Variants in XKR6 observed in about 807,000 individuals in gnomAD.
XKR6 encodes XK-related protein 6.
XKR6 carries 22 observed loss-of-function variants against 56.7 expected under a neutral mutation model. The ratio of observed to expected loss-of-function variants is 0.39; its 90% confidence interval spans 0.28 to 0.55. The LOEUF is 0.55. Ranked by LOEUF, XKR6 falls within the 20% of genes least tolerant of loss-of-function variation. The probability of loss-of-function intolerance (pLI) is 0.66; values close to 1 mark genes in which losing one functional copy is unlikely to be tolerated. For synonymous variants in XKR6, 524 were observed against 387.8 expected (o/e 1.35, Z -4.13); for missense variants, 852 against 889.0 (o/e 0.96, Z 0.53).
At chr8:11,165,752 C>T (rs185199099) in intron 1 of XKR6, among the ~76,000 whole-genome samples, 11 of 152,238 alleles carry the variant, frequency 7.2e-5, no homozygotes, top group African/African-American at 2.4e-4. Flanking sequence ...AGACACCATA[C>T]ATTCTTGCAT....
chr8:10,987,031 C>T (rs552647931), intron 1 of XKR6, among the ~76,000 whole-genome samples: 1 of 151,990 alleles, frequency 6.6e-6, no homozygotes, highest in African/African-American at 2.4e-5. Flanking sequence ...TTCAAGTGAT[C>T]CTCCCACTTC....
chr8:11,097,218 A>C (rs969307257), intron 1 of XKR6, among the ~76,000 whole-genome samples: 1 of 152,220 alleles, frequency 6.6e-6, no homozygotes, highest in African/African-American at 2.4e-5. Context: ...AGAGACACAA[A>C]GTGATAATAA....
At chr8:11,194,856 T>G (rs899090735) in intron 1 of XKR6, 3 of 440,264 alleles carry the variant, frequency 6.8e-6, no homozygotes, top group Non-Finnish European at 8.1e-6. Context: ...CTTCTTACAA[T>G]ACAGATTTTG....
intron 2 of XKR6, among the ~76,000 whole-genome samples, chr8:10,907,834 C>T (rs1800224833): frequency 6.6e-6 from 1 of 152,178 alleles, no homozygotes; most frequent in Non-Finnish European, 1.5e-5. Flanking sequence ...CCCGCGGAGG[C>T]CCTGCCTGAG....
chr8:11,009,782 T>C (rs189594580), intron 1 of XKR6, among the ~76,000 whole-genome samples: 7 of 152,318 alleles, frequency 4.6e-5, no homozygotes, highest in Admixed American at 1.3e-4. Context: ...GAATAAAGCA[T>C]GGACTTTAAT....
At chr8:10,954,441 A>C (rs1801814806) in intron 1 of XKR6, among the ~76,000 whole-genome samples, 1 of 152,220 alleles carries the variant, frequency 6.6e-6, no homozygotes, top group Non-Finnish European at 1.5e-5. Context: ...TCATGTGCTT[A>C]GTGGCCATTT....
At chr8:11,159,185 T>G (rs561376829) in intron 1 of XKR6, among the ~76,000 whole-genome samples, 68 of 152,350 alleles carry the variant, frequency 4.5e-4, no homozygotes, top group Non-Finnish European at 7.1e-4. Context: ...CCACCATATA[T>G]TCCCAGAGGG....
intron 1 of XKR6, among the ~76,000 whole-genome samples, chr8:11,087,692 C>T (rs1054416979): frequency 2.6e-5 from 4 of 152,190 alleles, no homozygotes; most frequent in Non-Finnish European, 5.9e-5. Flanking sequence ...CCAATGTCAT[C>T]TCTGAGCTAC....
intron 1 of XKR6, among the ~76,000 whole-genome samples, chr8:11,097,451 G>A (rs1222779673): frequency 4.1e-5 from 6 of 147,868 alleles, no homozygotes; most frequent in Non-Finnish European, 5.9e-5. Flanking sequence ...CAGCACTGCT[G>A]AACACACAGG....
chr8:10,916,122 C>T (rs1800557766), intron 2 of XKR6, among the ~76,000 whole-genome samples: 1 of 152,198 alleles, frequency 6.6e-6, no homozygotes, highest in Admixed American at 6.5e-5. Context: ...ATTTGGGGTC[C>T]ACCAGGCAGC....
At chr8:11,157,027 T>C (rs1801555840) in intron 1 of XKR6, among the ~76,000 whole-genome samples, 1 of 152,210 alleles carries the variant, frequency 6.6e-6, no homozygotes, top group African/African-American at 2.4e-5. Context: ...ATGCTCTAAT[T>C]TGAGGTCATG....
intron 1 of XKR6, among the ~76,000 whole-genome samples, chr8:10,997,719 G>A (rs1331582591): frequency 6.6e-6 from 1 of 152,088 alleles, no homozygotes; most frequent in Non-Finnish European, 1.5e-5. Flanking sequence ...AAACTACTAG[G>A]GGGATTGGGT....
In XKR6 at chr8:11,139,729, G is replaced by A. The variant is rs75181903; in HGVS notation, c.764+60847C>T. Among the ~76,000 whole-genome samples the A allele has an allele frequency of 3.3e-4, 51 of 152,286 alleles. 1 individual carries two copies. In the East Asian group the frequency reaches 9.8e-3, roughly 29 times the overall value. On this transcript the variant is annotated intron_variant, in intron 1 of 2. Transcript: ENST00000416569. ...GGAAACCTGTACAAAAGCCACAGCC[G>A]AAGGGGCTGTAACAGGGCAGTGTAT...
At chr8:11,082,839 G>A (rs1252392925) in intron 1 of XKR6, among the ~76,000 whole-genome samples, 1 of 152,238 alleles carries the variant, frequency 6.6e-6, no homozygotes, top group African/African-American at 2.4e-5. Flanking sequence ...TCTCATGGTT[G>A]CAGAACTGAA....
intron 1 of XKR6, chr8:11,104,664 AAAT>A (rs1256433731): frequency 6.6e-5 from 10 of 152,362 alleles, no homozygotes; most frequent in East Asian, 1.9e-4. Context: ...TCAGAAATAA[AAAT>A]AATACCAGTT....
chr8:11,141,708 A>G (rs1326864670), intron 1 of XKR6, among the ~76,000 whole-genome samples: 5 of 152,164 alleles, frequency 3.3e-5, no homozygotes, highest in African/African-American at 9.7e-5. Context: ...GGAGTGGAAC[A>G]GCAGCTCCTG....
Position 11,200,787 on chromosome 8 carries a change from C to T in XKR6, c.553G>A (p.Val185Met), listed in dbSNP as rs1160751381. The stretch of plus-strand genomic sequence containing the variant: ...AGCCCGCCGCCCGTGTAGTCCTGCA[C>T]GAACCAGCGGAAGCTCAGGCTCTGC... ...LVQSLSFRWF[V>M]QDYTGGGLGA... Residue 185 changes from valine (V) to methionine (M), a missense_variant, in exon 1 of 3, where the codon GTG becomes ATG. Coordinates refer to ENST00000416569, the MANE Select transcript of XKR6 (RefSeq NM_173683.4). This position sits in a 1 kb window ranked among gnomAD's most constrained non-coding sequence, Gnocchi z 6.4. The T allele has an allele frequency of 6.2e-6, 10 of 1,608,622 alleles. No individual in the cohort carries two copies. The East Asian group carries it at 1.1e-4, about 18-fold the overall frequency.
chr8:10,953,735 G>C (rs999064198), intron 1 of XKR6, among the ~76,000 whole-genome samples: 1 of 152,150 alleles, frequency 6.6e-6, no homozygotes. Flanking sequence ...CCACAGAGTT[G>C]TGCAACCATC....
chr8:11,100,037 C>T (rs867906483), intron 1 of XKR6, among the ~76,000 whole-genome samples: 28 of 152,112 alleles, frequency 1.8e-4, no homozygotes, highest in Admixed American at 5.9e-4. Context: ...TTAAGTAGGG[C>T]TCATTTTTTT....
Sources: gnomAD v4.1 joint callset for allele counts (sites outside exome capture counted in the v4.1 genomes callset) on GRCh38, gnomAD v4.1.1 for gene constraint, Gnocchi (gnomAD v3.1) non-coding constraint, MANE v1.5 for transcripts, NCBI Gene and HGNC (gene_info 2026-07-23, HGNC 2026-07-21) for gene names.